The following DNAJC10 variants were observed in gnomAD, a reference collection of about 807,000 sequenced individuals.
DNAJC10 encodes DnaJ heat shock protein family (Hsp40) member C10, also known as endoplasmic reticulum disulfide reductase DNAJC10.
In DNAJC10, 101 loss-of-function variants were observed where a neutral mutation model predicts 115.0. That is an observed-to-expected ratio of 0.88 (90% CI 0.75 to 1.04). The LOEUF is 1.04. Among genes scored for constraint, DNAJC10 ranks in the 50% least tolerant of loss-of-function variants. The probability of loss-of-function intolerance (pLI) is 0.00; values close to 1 mark genes in which losing one functional copy is unlikely to be tolerated. For missense variants in DNAJC10, 981 were observed against 928.8 expected, an observed-to-expected ratio of 1.06 and a Z score of -0.73; for synonymous variants, 307 against 301.5, an observed-to-expected ratio of 1.02 and a Z score of -0.19.
intron 14 of DNAJC10, among the ~76,000 whole-genome samples, chr2:182,744,933 C>T (rs1693824125): frequency 6.6e-6 from 1 of 152,170 alleles, no homozygotes; most frequent in Non-Finnish European, 1.5e-5. Context: ...CTCTTCTCTT[C>T]TCTGTGCTTA....
rs546211562 is a variant in DNAJC10 at position 182,781,769 on chromosome 2, G to C, written c.*4637G>C. 1 of 152,246 alleles carries C rather than the reference G, an allele frequency of 6.6e-6. No individual in the cohort carries two copies. The highest frequency in any genetic ancestry group is 2.4e-5 in the African/African-American group (1 of 41,536). The allele number at this position is 152,246 out of a possible 1,614,324, so 9.4% of individuals were successfully genotyped here. ...TGGCCACCTAAATGTCTTCTTTTGAGAAGTGTCTGTTCATATCCTTTGCCC... is the reference window on the plus strand; with the variant it reads ...TGGCCACCTAAATGTCTTCTTTTGACAAGTGTCTGTTCATATCCTTTGCCC... On this transcript the variant is annotated 3_prime_UTR_variant, in exon 24 of 24. Coordinates refer to ENST00000264065, the MANE Select transcript of DNAJC10 (RefSeq NM_018981.4).
Position 182,740,284 on chromosome 2 carries a change from ATTTTCT to A in DNAJC10, c.988-8_988-3del, listed in dbSNP as rs772938197. The A allele has an allele frequency of 2.0e-5, 27 of 1,372,636 alleles. No individual in the cohort carries two copies. The highest frequency in any genetic ancestry group is 4.5e-5 in the African/African-American group (3 of 66,488). The allele number at this position is 1,372,636 out of a possible 1,614,324, so 85.0% of individuals were successfully genotyped here. ...ATTTATTCAAAAAGATTACAATGTGATTTTCTTTTTCTAGTTTCTCAACTCATTGGA... is the reference window on the plus strand; with the variant it reads ...ATTTATTCAAAAAGATTACAATGTGATTTTCTAGTTTCTCAACTCATTGGA... On this transcript the variant is annotated splice_polypyrimidine_tract_variant and intron_variant, in intron 11 of 23. Transcript: ENST00000264065.
intron 20 of DNAJC10, 53 bp downstream of exon 20, chr2:182,758,943 C>T: frequency 7.4e-7 from 1 of 1,348,302 alleles, no homozygotes; most frequent in Non-Finnish European, 1.1e-6. Flanking sequence ...AGCCATTTAC[C>T]CCCCTTTTAT....
chr2:182,756,551 A>G (rs1694161569), intron 18 of DNAJC10, 82 bp downstream of exon 18: 1 of 1,310,812 alleles, frequency 7.6e-7, no homozygotes, highest in African/African-American at 1.5e-5. Context: ...ACGGATGTGA[A>G]TGAACCCACA....
rs1405215930 is a variant in DNAJC10, at chr2:182,777,842, G to A, written c.*710G>A. 1 of 152,082 alleles carries A rather than the reference G, an allele frequency of 6.6e-6. No individual in the cohort carries two copies. The highest frequency in any genetic ancestry group is 2.4e-5 in the African/African-American group (1 of 41,416). 9.4% of individuals were successfully genotyped at this position (152,082 alleles called of 1,614,324 possible). A position where few individuals can be genotyped will look rare whatever the true frequency, so the allele number is the denominator to read the frequency against. ...GCCGAGAAACAGTGCAGCAGTATAT[G>A]TGCACACAGTAAGTACACAAATTTG... On this transcript the variant is annotated 3_prime_UTR_variant, in exon 24 of 24. Coordinates refer to ENST00000264065, the MANE Select transcript of DNAJC10 (RefSeq NM_018981.4).
chr2:182,793,739 A>T lies in DNAJC10; in HGVS notation c.*16607A>T, dbSNP rs762809731. ...GTTGCAATTTATTACATGGGAACTCAAAGTCTGGAGACAGCCTCAGGCCAA... is the reference window on the plus strand; with the variant it reads ...GTTGCAATTTATTACATGGGAACTCTAAGTCTGGAGACAGCCTCAGGCCAA... On this transcript the variant is annotated 3_prime_UTR_variant, in exon 24 of 24. Coordinates refer to ENST00000264065, the MANE Select transcript of DNAJC10 (RefSeq NM_018981.4). 1.3e-5 allele frequency: 2 copies of T among 151,770 alleles called. No homozygotes were observed. The highest frequency in any genetic ancestry group is 2.9e-5 in the Non-Finnish European group (2 of 67,964). The allele number at this position is 151,770 out of a possible 1,614,324, so 9.4% of individuals were successfully genotyped here.
intron 22 of DNAJC10, among the ~76,000 whole-genome samples, chr2:182,769,734 G>A (rs1694510946): frequency 6.6e-6 from 1 of 152,074 alleles, no homozygotes; most frequent in Non-Finnish European, 1.5e-5. Context: ...TTTGTCAGAT[G>A]GGTAGATTGC....
intron 18 of DNAJC10, 76 bp downstream of exon 18, chr2:182,756,545 A>G (rs1694161111): frequency 2.9e-6 from 4 of 1,390,386 alleles, no homozygotes; most frequent in Non-Finnish European, 3.9e-6. Context: ...TTTGAAACGG[A>G]TGTGAATGAA....
At chr2:182,718,415 G>A in intron 3 of DNAJC10, 125 bp downstream of exon 3, 3 of 810,374 alleles carry the variant, frequency 3.7e-6, no homozygotes, top group Admixed American at 3.4e-5. Flanking sequence ...AATTCAACTT[G>A]TATGCTAGAA....
chr2:182,767,425 C>A (rs1243607389), intron 22 of DNAJC10, among the ~76,000 whole-genome samples: 1 of 152,200 alleles, frequency 6.6e-6, no homozygotes, highest in East Asian at 1.9e-4. Context: ...TTAAAAAATA[C>A]TTTCTGTTCT....
At chr2:182,756,228 A>G in intron 17 of DNAJC10, 86 bp from the exon 18 acceptor site, 1 of 1,134,220 alleles carries the variant, frequency 8.8e-7, no homozygotes, top group Non-Finnish European at 1.2e-6. Context: ...GATAAGAGAT[A>G]CTCAACCTGT....
chr2:182,756,337 C>G lies in DNAJC10; in HGVS notation c.1677C>G (p.Val559=). 6.2e-7 allele frequency: 1 copy of G among 1,611,186 alleles called. No individual in the cohort carries two copies. ...AGGATCTTATGAATCCTTCAGTGGT[C>G]TCCCTTACACCCACCACCTTCAACG... ...FIEDLMNPSV[V]SLTPTTFNEL... The change falls in exon 18 of 24, where the codon GTC becomes GTG. Residue 559 remains valine, a synonymous_variant. Coordinates refer to ENST00000264065, the MANE Select transcript of DNAJC10 (RefSeq NM_018981.4).
In DNAJC10 at chr2:182,720,014, C is replaced by T. The variant is rs1324211802; in HGVS notation, c.212C>T (p.Pro71Leu). The T allele has an allele frequency of 1.3e-6, 2 of 1,535,442 alleles. No individual in the cohort carries two copies. Among genetic ancestry groups the T allele is most frequent in the Non-Finnish European group, 1.8e-6 (2 of 1,119,190 alleles). The change falls in exon 4 of 24, where the codon CCA becomes CTA. Residue 71 changes from proline to leucine, a missense_variant. Pro to Leu is a moderately conservative substitution (Grantham distance 98). Coordinates refer to ENST00000264065, the MANE Select transcript of DNAJC10 (RefSeq NM_018981.4). The stretch of plus-strand genomic sequence containing the variant: ...TCTAATATTTTTTAACAGAATAACC[C>T]AAATGCACATGGCGATTTTTTAAAA... Reference protein sequence around the residue: ...KLHPDKNPNNPNAHGDFLKIN... With the variant: ...KLHPDKNPNNLNAHGDFLKIN...
chr2:182,735,337 T>C (rs577551463), intron 10 of DNAJC10, among the ~76,000 whole-genome samples: 15 of 152,068 alleles, frequency 9.9e-5, no homozygotes, highest in African/African-American at 3.6e-4. Context: ...ATATGTTTTT[T>C]TCTAAGTTCT....
intron 22 of DNAJC10, among the ~76,000 whole-genome samples, chr2:182,774,421 T>C (rs930070331): frequency 2.0e-5 from 3 of 152,260 alleles, no homozygotes; most frequent in African/African-American, 7.2e-5. Context: ...AGAAGTTGTC[T>C]GCTGCCTTTT....
chr2:182,743,224 G>A (rs530513446), intron 13 of DNAJC10, among the ~76,000 whole-genome samples: 3 of 152,156 alleles, frequency 2.0e-5, no homozygotes, highest in Non-Finnish European at 4.4e-5. Context: ...TTGTGCTTAC[G>A]CTCTTCTTTT....
chr2:182,751,724 T>A lies in DNAJC10; in HGVS notation c.1373T>A (p.Leu458His). ...KESVNSHVTT[L>H]GPQNFPANDK... is the part of the protein sequence containing the mutation. ...AGTGTGAATTCTCATGTTACCACGC[T>A]TGGACCTCAAAATTTTCCTGCCAAT... is the stretch of plus-strand genomic sequence containing the variant. Residue 458 changes from leucine (L) to histidine (H), a missense_variant, in exon 15 of 24, where the codon CTT becomes CAT. Coordinates refer to ENST00000264065, the MANE Select transcript of DNAJC10 (RefSeq NM_018981.4). The A allele has an allele frequency of 6.2e-7, 1 of 1,614,092 alleles. No individual in the cohort carries two copies. The highest frequency in any genetic ancestry group is 8.5e-7 in the Non-Finnish European group (1 of 1,179,954).
At chr2:182,733,214 G>C (rs1693496219) in intron 10 of DNAJC10, among the ~76,000 whole-genome samples, 1 of 151,730 alleles carries the variant, frequency 6.6e-6, no homozygotes, top group Non-Finnish European at 1.5e-5. Context: ...TACATATTTT[G>C]ACATTATATT....
At chr2:182,724,714 G>A (rs1354743679) in intron 5 of DNAJC10, among the ~76,000 whole-genome samples, 6 of 152,186 alleles carry the variant, frequency 3.9e-5, no homozygotes, top group African/African-American at 1.4e-4. Context: ...GACAGTAGCT[G>A]TAGTTGTATA....
Sources: allele counts gnomAD v4.1 joint callset (sites outside exome capture counted in the v4.1 genomes callset), GRCh38; gene constraint gnomAD v4.1.1; transcripts MANE v1.5; gene names NCBI Gene and HGNC (gene_info 2026-07-23, HGNC 2026-07-21).